Variants in EFCAB13 observed in about 807,000 individuals in gnomAD.
The protein encoded by EFCAB13 is EF-hand calcium-binding domain-containing protein 13.
In EFCAB13, 91 loss-of-function variants were observed where a neutral mutation model predicts 110.2. The ratio of observed to expected loss-of-function variants is 0.83; its 90% CI spans 0.70 to 0.98. The LOEUF (loss-of-function observed/expected upper bound fraction) is 0.98. EFCAB13 is among the 50% of genes least tolerant of loss of function. The probability of loss-of-function intolerance (pLI) is 0.00; values close to 1 mark genes in which losing one functional copy is unlikely to be tolerated. For synonymous variants in EFCAB13, 323 were observed against 369.9 expected (o/e 0.87, Z 1.45); for missense variants, 968 against 1,119.4 (o/e 0.86, Z 1.93).
At chr17:47,358,127 T>C (rs2065491393) in intron 9 of EFCAB13, among the ~76,000 whole-genome samples, 1 of 152,204 alleles carries the variant, frequency 6.6e-6, no homozygotes, top group African/African-American at 2.4e-5. Context: ...AAGACCTTCT[T>C]TAACCCAAGA....
chr17:47,414,007 C>T (rs1442735286), intron 22 of EFCAB13, among the ~76,000 whole-genome samples: 1 of 152,144 alleles, frequency 6.6e-6, no homozygotes, highest in African/African-American at 2.4e-5. Flanking sequence ...CAATGCTTAG[C>T]ATTCTGGACC....
At chr17:47,414,389 A>T (rs971028576) in intron 22 of EFCAB13, among the ~76,000 whole-genome samples, 6 of 151,990 alleles carry the variant, frequency 3.9e-5, no homozygotes, top group African/African-American at 9.7e-5. Context: ...TGGACAAGTT[A>T]TTTAATTTCC....
intron 18 of EFCAB13, among the ~76,000 whole-genome samples, chr17:47,403,568 A>C (rs2065789564): frequency 1.3e-5 from 2 of 152,198 alleles, no homozygotes; most frequent in Admixed American, 1.3e-4. Context: ...ATATCTGATG[A>C]GTTAATTTTA....
intron 14 of EFCAB13, among the ~76,000 whole-genome samples, chr17:47,383,902 T>C (rs1225213131): frequency 2.0e-5 from 3 of 152,160 alleles, no homozygotes; most frequent in Non-Finnish European, 4.4e-5. Context: ...TATTAATTTT[T>C]TGTTTCCTTG....
intron 15 of EFCAB13, among the ~76,000 whole-genome samples, chr17:47,392,527 A>G (rs1421669137): frequency 6.6e-6 from 1 of 152,164 alleles, no homozygotes; most frequent in Non-Finnish European, 1.5e-5. Flanking sequence ...AGTGACTAAA[A>G]GAGTGTGAGA....
At chr17:47,378,009 G>A in intron 13 of EFCAB13, 106 bp downstream of exon 13, 1 of 1,049,634 alleles carries the variant, frequency 9.5e-7, no homozygotes, top group Non-Finnish European at 1.3e-6. Context: ...GAATGGGACA[G>A]AATGGGTCAT....
intron 18 of EFCAB13, among the ~76,000 whole-genome samples, chr17:47,403,355 C>G (rs1220351962): frequency 1.3e-5 from 2 of 152,100 alleles, no homozygotes; most frequent in Non-Finnish European, 2.9e-5. Context: ...ATAATTTGCT[C>G]ACAGTTGCAC....
chr17:47,432,557 T>TC (rs1905138952), intron 24 of EFCAB13, among the ~76,000 whole-genome samples: 1 of 152,020 alleles, frequency 6.6e-6, no homozygotes, highest in South Asian at 2.1e-4. Flanking sequence ...ACCACTTCAT[T>TC]CCAGCCTGGG....
intron 16 of EFCAB13, 114 bp from the exon 17 acceptor site, chr17:47,395,720 T>A: frequency 2.7e-6 from 2 of 753,536 alleles, no homozygotes; most frequent in Non-Finnish European, 3.9e-6. Flanking sequence ...TATGCTATAT[T>A]TATTATTCTT....
intron 24 of EFCAB13, among the ~76,000 whole-genome samples, chr17:47,434,259 A>G (rs780186195): frequency 2.0e-5 from 3 of 152,116 alleles, no homozygotes; most frequent in Non-Finnish European, 4.4e-5. Flanking sequence ...GCTATACACC[A>G]ACAATGACCA....
chr17:47,335,540 C>T (rs1337402113), intron 5 of EFCAB13, among the ~76,000 whole-genome samples, 184 bp downstream of exon 5: 1 of 152,130 alleles, frequency 6.6e-6, no homozygotes, highest in Non-Finnish European at 1.5e-5. Context: ...TTTTTTCTGA[C>T]TTCTCTCACA....
At chr17:47,391,776 G>T (rs1187225494) in intron 15 of EFCAB13, among the ~76,000 whole-genome samples, 196 bp downstream of exon 15, 1 of 151,530 alleles carries the variant, frequency 6.6e-6, no homozygotes, top group African/African-American at 2.4e-5. Flanking sequence ...AGTATTAATA[G>T]TCTTTTTAAT....
intron 23 of EFCAB13, 66 bp from the exon 24 acceptor site, chr17:47,429,752 G>C: frequency 6.8e-7 from 1 of 1,478,042 alleles, no homozygotes; most frequent in Non-Finnish European, 9.0e-7. Flanking sequence ...AGGCTATTAA[G>C]TGATAACTAA....
intron 24 of EFCAB13, 152 bp from the exon 25 acceptor site, chr17:47,440,279 C>T: frequency 1.6e-6 from 1 of 623,616 alleles, no homozygotes; most frequent in South Asian, 3.4e-5. Flanking sequence ...AATTGATAAT[C>T]ATATGCATGC....
intron 7 of EFCAB13, 78 bp from the exon 8 acceptor site, chr17:47,344,938 T>C: frequency 9.5e-7 from 1 of 1,050,598 alleles, no homozygotes; most frequent in Non-Finnish European, 1.5e-6. Flanking sequence ...CTCAGACTAT[T>C]GGTAAGTTTG....
rs548271723 is a variant in EFCAB13 at position 47,424,874 on chromosome 17, C to CTTTTTTTTT, written c.2495-4926_2495-4918dup. ...AGGATTTCTTTCTCCGGTTGACAATCTTTTTTTTTTTTTTTTTTTTTTTTT... is the reference window on the plus strand; with the variant it reads ...AGGATTTCTTTCTCCGGTTGACAATCTTTTTTTTTTTTTTTTTTTTTTTTTTTTTTTTTT... On this transcript the variant is annotated intron_variant, in intron 23 of 24. Coordinates refer to ENST00000331493, the MANE Select transcript of EFCAB13 (RefSeq NM_152347.5). 9.5e-4 allele frequency among the ~76,000 whole-genome samples: 35 copies of CTTTTTTTTT among 36,896 alleles called. 6 individuals carry two copies. The highest frequency in any genetic ancestry group is 1.8e-3 in the African/African-American group (15 of 8,112). 24.2% of individuals were successfully genotyped at this position (36,896 alleles called of 152,430 possible). A position where few individuals can be genotyped will look rare whatever the true frequency, so the allele number is the denominator to read the frequency against.
chr17:47,340,589 T>TTTTTTA lies in EFCAB13; in HGVS notation c.192-1316_192-1311dup, dbSNP rs1270200362. Among the ~76,000 whole-genome samples, 28 of 151,962 alleles carry TTTTTTA rather than the reference T, an allele frequency of 1.8e-4. No homozygotes were observed. The East Asian group carries it at 1.9e-3, about 10-fold the overall frequency. On this transcript the variant is annotated intron_variant, in intron 5 of 24. Transcript: ENST00000331493. Reference sequence around the variant, plus strand: ...ATAACCACTTTGCAGTCTCTCATGATTTTTTATTTTTATTTTTATTTATTT... The same window carrying TTTTTTA: ...ATAACCACTTTGCAGTCTCTCATGATTTTTTATTTTTATTTTTATTTTTATTTATTT...
intron 21 of EFCAB13, 24 bp downstream of exon 21, chr17:47,409,715 G>GAA (rs1392811112): frequency 1.9e-6 from 3 of 1,554,496 alleles, no homozygotes; most frequent in Non-Finnish European, 2.7e-6. Flanking sequence ...TTGTATATGA[G>GAA]AAAATTTTCA....
At chr17:47,409,764 A>G (rs1319231659) in intron 21 of EFCAB13, 73 bp downstream of exon 21, 12 of 1,184,222 alleles carry the variant, frequency 1.0e-5, no homozygotes, top group African/African-American at 1.5e-5. Flanking sequence ...GCCAAGTACC[A>G]ATGTATTTCT....
Sources: allele counts gnomAD v4.1 joint callset (sites outside exome capture counted in the v4.1 genomes callset), GRCh38; gene constraint gnomAD v4.1.1; transcripts MANE v1.5; gene names NCBI Gene and HGNC (gene_info 2026-07-23, HGNC 2026-07-21).